The following CCSER1 variants were observed in gnomAD, a reference collection of about 807,000 sequenced individuals.
The protein encoded by CCSER1 is serine-rich coiled-coil domain-containing protein 1.
In CCSER1, 41 loss-of-function variants were observed where a neutral mutation model predicts 82.0. The ratio of observed to expected loss-of-function variants is 0.50; its 90% CI spans 0.39 to 0.65. The LOEUF (loss-of-function observed/expected upper bound fraction) is 0.65, where lower values mean the gene tolerates loss of function less well. CCSER1 is among the 30% of genes least tolerant of loss of function. CCSER1 has a pLI of 0.00. For missense variants in CCSER1, 1,119 were observed against 1,064.2 expected, an observed-to-expected ratio of 1.05 and a Z score of -0.72; for synonymous variants, 414 against 383.9, an observed-to-expected ratio of 1.08 and a Z score of -0.92.
At chr4:90,696,472 C>T (rs1737012905) in intron 6 of CCSER1, among the ~76,000 whole-genome samples, 1 of 151,968 alleles carries the variant, frequency 6.6e-6, no homozygotes, top group Non-Finnish European at 1.5e-5. Context: ...AGAGCTTTCC[C>T]AGGTAAACAC....
In CCSER1 at chr4:91,279,095, C is replaced by T. The variant is rs77263916; in HGVS notation, c.2217+193101C>T. Among the ~76,000 whole-genome samples, 1,444 of 151,788 alleles carry T rather than the reference C, an allele frequency of 9.5e-3. 12 individuals are homozygous for T. The highest frequency in any genetic ancestry group is 0.041 in the Middle Eastern group (12 of 294). ...TTCTTTCAGCACTGAATATATCACT[C>T]CATTCTCTCCTGGCCTGTGAGGTTT... On this transcript the variant is annotated intron_variant, in intron 10 of 10. Transcript: ENST00000509176.
intron 5 of CCSER1, among the ~76,000 whole-genome samples, chr4:90,490,201 A>G (rs1450000572): frequency 6.6e-6 from 1 of 152,094 alleles, no homozygotes; most frequent in African/African-American, 2.4e-5. Flanking sequence ...CTGACTTTTT[A>G]ATGATTGCCA....
At chr4:90,429,691 T>C (rs1758011563) in intron 4 of CCSER1, among the ~76,000 whole-genome samples, 1 of 151,786 alleles carries the variant, frequency 6.6e-6, no homozygotes, top group South Asian at 2.1e-4. Flanking sequence ...CAAAGACTTA[T>C]AGTTCAGAAA....
intron 4 of CCSER1, among the ~76,000 whole-genome samples, chr4:90,446,056 C>T (rs1171349751): frequency 5.9e-5 from 9 of 152,148 alleles, no homozygotes; most frequent in Non-Finnish European, 1.5e-5. Context: ...TTTCACCAAA[C>T]ACTTCACATG....
At chr4:90,517,188 A>T (rs1407874724) in intron 5 of CCSER1, among the ~76,000 whole-genome samples, 1 of 152,194 alleles carries the variant, frequency 6.6e-6, no homozygotes, top group African/African-American at 2.4e-5. Flanking sequence ...TGAGTATCTC[A>T]TGTAATTTAT....
At chr4:90,848,128 T>C (rs745646021) in intron 8 of CCSER1, among the ~76,000 whole-genome samples, 1 of 152,210 alleles carries the variant, frequency 6.6e-6, no homozygotes, top group Non-Finnish European at 1.5e-5. Flanking sequence ...TGCATAGTTG[T>C]ATATTTGCTA....
intron 3 of CCSER1, among the ~76,000 whole-genome samples, chr4:90,381,860 A>G (rs1270846658): frequency 2.0e-5 from 3 of 152,086 alleles, no homozygotes; most frequent in East Asian, 3.8e-4. Context: ...ATCATTATTT[A>G]TATACCTTCA....
chr4:91,094,401 C>T (rs1190302386), intron 10 of CCSER1, among the ~76,000 whole-genome samples: 1 of 152,182 alleles, frequency 6.6e-6, no homozygotes, highest in East Asian at 1.9e-4. Flanking sequence ...CAGCTGTCCT[C>T]AGCTGGCAGC....
intron 1 of CCSER1, among the ~76,000 whole-genome samples, chr4:90,209,748 C>T (rs888762189): frequency 1.3e-5 from 2 of 150,148 alleles, no homozygotes; most frequent in Non-Finnish European, 3.0e-5. Context: ...TGACCAAGCT[C>T]ATTGTGTCTG....
chr4:91,533,828 C>G (rs1761155536), intron 10 of CCSER1, among the ~76,000 whole-genome samples: 2 of 151,668 alleles, frequency 1.3e-5, no homozygotes, highest in African/African-American at 2.4e-5. Context: ...ATTCATTCAC[C>G]TGGTTCTCAA....
intron 9 of CCSER1, among the ~76,000 whole-genome samples, chr4:90,993,839 G>A (rs1030065921): frequency 2.0e-5 from 3 of 152,038 alleles, no homozygotes; most frequent in African/African-American, 7.2e-5. Context: ...CGAATTTTGA[G>A]AAGACATAAA....
intron 6 of CCSER1, among the ~76,000 whole-genome samples, chr4:90,649,921 A>G (rs1013923147): frequency 1.3e-5 from 2 of 152,094 alleles, no homozygotes; most frequent in Non-Finnish European, 2.9e-5. Flanking sequence ...CCTGGCCAAA[A>G]TGGCGAAACC....
chr4:91,101,277 G>C (rs1725031186), intron 10 of CCSER1, among the ~76,000 whole-genome samples: 1 of 152,176 alleles, frequency 6.6e-6, no homozygotes, highest in African/African-American at 2.4e-5. Context: ...TTCCCCAAAA[G>C]GGACACTAAT....
chr4:90,824,250 C>T (rs1760136858), intron 8 of CCSER1, among the ~76,000 whole-genome samples: 1 of 151,998 alleles, frequency 6.6e-6, no homozygotes, highest in African/African-American at 2.4e-5. Flanking sequence ...TGTAAACAAT[C>T]ATGTTTCTCC....
chr4:91,392,686 A>C (rs1751738074), intron 10 of CCSER1, among the ~76,000 whole-genome samples: 1 of 152,158 alleles, frequency 6.6e-6, no homozygotes, highest in Non-Finnish European at 1.5e-5. Context: ...ATAGTAGTTA[A>C]AATCTGGAAA....
chr4:91,437,772 C>T (rs1754769278), intron 10 of CCSER1, among the ~76,000 whole-genome samples: 1 of 152,236 alleles, frequency 6.6e-6, no homozygotes, highest in Admixed American at 6.5e-5. Flanking sequence ...GGGTCACTCC[C>T]ACCCTAATAC....
chr4:91,476,309 C>A lies in CCSER1; in HGVS notation c.2218-122263C>A, dbSNP rs146541528. Reference sequence around the variant, plus strand: ...CATCCTTGCAAGCATTATTTTCTGTCTTTTTGGTAAGAAATAGACATTTTA... The same window carrying A: ...CATCCTTGCAAGCATTATTTTCTGTATTTTTGGTAAGAAATAGACATTTTA... On this transcript the variant is annotated intron_variant, in intron 10 of 10. Transcript: ENST00000509176. Among the ~76,000 whole-genome samples, 686 of 151,842 alleles carry A rather than the reference C, an allele frequency of 4.5e-3. 2 individuals are homozygous for A. The highest frequency in any genetic ancestry group is 0.016 in the African/African-American group (655 of 41,480).
intron 1 of CCSER1, among the ~76,000 whole-genome samples, chr4:90,266,992 T>C (rs886191247): frequency 3.3e-5 from 5 of 151,804 alleles, no homozygotes; most frequent in Admixed American, 6.6e-5. Flanking sequence ...TTTTGCATCT[T>C]AAGTAGCAGC....
chr4:90,551,414 G>A (rs72885091), intron 5 of CCSER1, among the ~76,000 whole-genome samples: 3,656 of 151,996 alleles, frequency 0.024, 159 homozygotes, highest in African/African-American at 0.084. Flanking sequence ...GTTCTTGCTT[G>A]CAGGCCTCAG....
Sources: gnomAD v4.1 joint callset for allele counts (sites outside exome capture counted in the v4.1 genomes callset) on GRCh38, gnomAD v4.1.1 for gene constraint, MANE v1.5 for transcripts, NCBI Gene and HGNC (gene_info 2026-07-23, HGNC 2026-07-21) for gene names.